Variants in UVRAG observed in about 807,000 individuals in gnomAD.
UVRAG encodes the protein UV radiation resistance associated.
A neutral mutation model predicts 78.0 loss-of-function variants in UVRAG; 19 were observed. That is an observed-to-expected ratio of 0.24 (90% CI 0.17 to 0.36). The LOEUF is 0.36. Among genes scored for constraint, UVRAG ranks in the 10% least tolerant of loss-of-function variants. The pLI, the probability that UVRAG is intolerant of heterozygous loss-of-function variation, is 1.00. For synonymous variants in UVRAG, 323 were observed against 324.6 expected (o/e 1.00, Z 0.05); for missense variants, 740 against 853.8 (o/e 0.87, Z 1.66).
rs892868730 is a variant in UVRAG, at chr11:75,948,464, T to C, written c.594-12980T>C. ...TTTAGGTGATTGAACACAGGAAGTA[T>C]GAGTGAGGGAAAAGGCAGCACTAAT... On this transcript the variant is annotated intron_variant, in intron 6 of 14. Coordinates refer to ENST00000356136, the MANE Select transcript of UVRAG (RefSeq NM_003369.4). Among the ~76,000 whole-genome samples the C allele has an allele frequency of 3.3e-5, 5 of 152,122 alleles. No individual in the cohort carries two copies. In the East Asian group the frequency reaches 9.6e-4, roughly 29 times the overall value.
intron 12 of UVRAG, among the ~76,000 whole-genome samples, chr11:76,061,007 G>A (rs1591189192): frequency 6.6e-6 from 1 of 152,270 alleles, no homozygotes; most frequent in Admixed American, 6.5e-5. Flanking sequence ...GGGATCTACT[G>A]GGTGAAGCCA....
chr11:75,951,325 ATGTGTGTGTGTGTGTG>A (rs71036071), intron 6 of UVRAG, among the ~76,000 whole-genome samples: 11 of 149,484 alleles, frequency 7.4e-5, no homozygotes, highest in African/African-American at 2.0e-4. Context: ...ATAATCTGAA[ATGTGTGTGTGTGTGTG>A]TGTGTGTGTG....
chr11:75,879,152 A>C (rs1269972810), intron 3 of UVRAG, among the ~76,000 whole-genome samples: 5 of 152,112 alleles, frequency 3.3e-5, no homozygotes, highest in African/African-American at 1.2e-4. Context: ...CAATGGCCCC[A>C]CTGTTGTACA....
intron 1 of UVRAG, among the ~76,000 whole-genome samples, chr11:75,828,402 A>C (rs1945563616): frequency 6.8e-6 from 1 of 147,502 alleles, no homozygotes; most frequent in South Asian, 2.2e-4. Flanking sequence ...TGAGGCCAGG[A>C]GTTTGATTCC....
At chr11:76,061,357 G>A (rs968625703) in intron 12 of UVRAG, among the ~76,000 whole-genome samples, 1 of 152,348 alleles carries the variant, frequency 6.6e-6, no homozygotes, top group South Asian at 2.1e-4. Context: ...TCAGCAGGAT[G>A]TGGGTGGGGC....
At chr11:76,132,761 T>C (rs1591271210) in intron 14 of UVRAG, among the ~76,000 whole-genome samples, 3 of 152,240 alleles carry the variant, frequency 2.0e-5, no homozygotes, top group Admixed American at 2.0e-4. Flanking sequence ...CAACACAAAC[T>C]TAATGTAGGC....
chr11:76,121,652 C>T (rs1258050870), intron 14 of UVRAG, among the ~76,000 whole-genome samples: 1 of 152,162 alleles, frequency 6.6e-6, no homozygotes, highest in Non-Finnish European at 1.5e-5. Context: ...CAGGCAGTGC[C>T]TCGATTTTGT....
At chr11:76,054,413 A>T (rs1298020102) in intron 12 of UVRAG, among the ~76,000 whole-genome samples, 1 of 152,122 alleles carries the variant, frequency 6.6e-6, no homozygotes, top group Non-Finnish European at 1.5e-5. Context: ...CCTGCAGTTT[A>T]TCCTCACAGA....
intron 13 of UVRAG, among the ~76,000 whole-genome samples, chr11:76,070,683 G>A (rs146342203): frequency 3.1e-4 from 47 of 152,278 alleles, no homozygotes; most frequent in African/African-American, 1.1e-3. Context: ...TTAGGTTGCA[G>A]TGGGTAGAGC....
At chr11:76,079,766 C>T (rs1410663976) in intron 13 of UVRAG, among the ~76,000 whole-genome samples, 1 of 152,120 alleles carries the variant, frequency 6.6e-6, no homozygotes, top group Non-Finnish European at 1.5e-5. Context: ...TTTAGTAGTT[C>T]ATCTTGGGAA....
chr11:75,908,319 T>C (rs1947661916), intron 5 of UVRAG, among the ~76,000 whole-genome samples: 1 of 152,230 alleles, frequency 6.6e-6, no homozygotes, highest in Non-Finnish European at 1.5e-5. Context: ...ATCCATCATC[T>C]GTCTGTGGAC....
At position 75,848,030 on chromosome 11, in the gene UVRAG, TA is replaced by T. The variant is rs1190960958; in HGVS notation, c.118-3836del. Among the ~76,000 whole-genome samples the T allele has an allele frequency of 8.1e-3, 1,055 of 130,368 alleles. 4 individuals carry two copies. The highest frequency in any genetic ancestry group is 8.4e-3 in the Non-Finnish European group (506 of 60,300). 85.5% of individuals were successfully genotyped at this position (130,368 alleles called of 152,430 possible). ...GGGCAACATAGGGAGACTCTGTCTC[TA>T]AAAAAAAAAAAAAAAATTTAGCTGG... On this transcript the variant is annotated intron_variant, in intron 1 of 14. Transcript: ENST00000356136.
At chr11:76,139,335 G>T (rs111474727) in intron 14 of UVRAG, among the ~76,000 whole-genome samples, 117 of 152,300 alleles carry the variant, frequency 7.7e-4, no homozygotes, top group African/African-American at 2.4e-3. Flanking sequence ...TCTTGCTATT[G>T]TAATTTGAAA....
At chr11:76,007,758 A>G (rs1470254465) in intron 10 of UVRAG, 137 bp downstream of exon 10, 3 of 675,206 alleles carry the variant, frequency 4.4e-6, no homozygotes, top group Non-Finnish European at 7.4e-6. Flanking sequence ...GCTAATGTCT[A>G]TTTAAAACAT....
chr11:75,931,993 A>G lies in UVRAG; in HGVS notation c.593+19954A>G, dbSNP rs116861584. 3.7e-3 allele frequency among the ~76,000 whole-genome samples: 566 copies of G among 152,298 alleles called. 1 individual carries two copies. Among genetic ancestry groups the G allele is most frequent in the Non-Finnish European group, 6.5e-3 (439 of 68,032 alleles). Reference sequence around the variant, plus strand: ...GTGCTAACACTGGAAGAATTTCCCAAGAATCAAGGTCCAGTGGTCCAATGG... The same window carrying G: ...GTGCTAACACTGGAAGAATTTCCCAGGAATCAAGGTCCAGTGGTCCAATGG... On this transcript the variant is annotated intron_variant, in intron 6 of 14. Coordinates refer to ENST00000356136, the MANE Select transcript of UVRAG (RefSeq NM_003369.4).
In UVRAG at chr11:76,141,325, G is replaced by A; in HGVS notation, c.2012G>A (p.Gly671Glu). The change falls in exon 15 of 15, where the codon GGA (glycine) becomes GAA (glutamate). Residue 671 changes from glycine (G) to glutamate (E), a missense_variant. Transcript: ENST00000356136. ...GTAGAGTGTGACGAACAAGTTCTGGGAGAATTTGAAGAGTTCTCCCGAAGG... is the reference window on the plus strand; with the variant it reads ...GTAGAGTGTGACGAACAAGTTCTGGAAGAATTTGAAGAGTTCTCCCGAAGG... ...VAVECDEQVL[G>E]EFEEFSRRIY... 1 of 1,614,214 alleles carries A rather than the reference G, an allele frequency of 6.2e-7. No homozygotes were observed. The highest frequency in any genetic ancestry group is 8.5e-7 in the Non-Finnish European group (1 of 1,180,050).
chr11:75,830,196 A>C (rs1252696249), intron 1 of UVRAG, among the ~76,000 whole-genome samples: 1 of 151,936 alleles, frequency 6.6e-6, no homozygotes, highest in African/African-American at 2.4e-5. Context: ...ACTCTAGTGT[A>C]CTTCTTTCTC....
At chr11:76,103,613 G>A (rs1181225641) in intron 13 of UVRAG, among the ~76,000 whole-genome samples, 2 of 150,484 alleles carry the variant, frequency 1.3e-5, no homozygotes, top group Non-Finnish European at 1.5e-5. Context: ...CATGGGTTTG[G>A]ACTCTATTGC....
chr11:75,855,958 T>C (rs979553322), intron 2 of UVRAG, among the ~76,000 whole-genome samples: 3 of 152,156 alleles, frequency 2.0e-5, no homozygotes, highest in Non-Finnish European at 4.4e-5. Context: ...GATTCTAAAC[T>C]TGGTTCTTGT....
Sources: gnomAD v4.1 joint callset for allele counts (sites outside exome capture counted in the v4.1 genomes callset) on GRCh38, gnomAD v4.1.1 for gene constraint, MANE v1.5 for transcripts, NCBI Gene and HGNC (gene_info 2026-07-23, HGNC 2026-07-21) for gene names.